The following PARP15 variants were observed in gnomAD, a reference collection of about 807,000 sequenced individuals.
PARP15 encodes the protein poly(ADP-ribose) polymerase family member 15.
Under a neutral mutation model 62.1 loss-of-function variants are expected in PARP15, and 50 were observed. That is an observed-to-expected ratio of 0.81 (90% CI 0.64 to 1.02). The LOEUF (loss-of-function observed/expected upper bound fraction) is 1.02, where lower values mean the gene tolerates loss of function less well. PARP15 is among the 50% of genes least tolerant of loss of function. PARP15 has a pLI of 0.00. For missense variants in PARP15, 820 were observed against 826.5 expected (o/e 0.99, Z 0.10); for synonymous variants, 309 against 293.1 (o/e 1.05, Z -0.55).
At chr3:122,604,700 A>G (rs372516202) in intron 1 of PARP15, among the ~76,000 whole-genome samples, 6 of 152,260 alleles carry the variant, frequency 3.9e-5, no homozygotes, top group African/African-American at 1.4e-4. Flanking sequence ...ATCTTTGTAA[A>G]GATACAAAAA....
At chr3:122,620,886 T>TA (rs569731428) in intron 7 of PARP15, among the ~76,000 whole-genome samples, 98 of 152,294 alleles carry the variant, frequency 6.4e-4, no homozygotes, top group Non-Finnish European at 1.2e-3. Context: ...AGCAGTGCCT[T>TA]AAAATGGCCC....
At chr3:122,579,999 G>GTATATATATATATATATATATA (rs59527124) in intron 1 of PARP15, among the ~76,000 whole-genome samples, 3 of 64,458 alleles carry the variant, frequency 4.7e-5, no homozygotes, top group South Asian at 6.2e-4. Context: ...GCAACTATAT[G>GTATATATATATATATATATATA]TATATATATA....
intron 1 of PARP15, chr3:122,594,633 A>G (rs1934196383): frequency 1.1e-6 from 1 of 920,900 alleles, no homozygotes. Flanking sequence ...CATAGAAATT[A>G]GCATCTAATT....
chr3:122,578,065 T>TCC (rs748799834), intron 1 of PARP15, among the ~76,000 whole-genome samples: 70 of 149,772 alleles, frequency 4.7e-4, no homozygotes, highest in Admixed American at 2.1e-3. Context: ...TTTTTTTTTT[T>TCC]CCCTTAAAAT....
chr3:122,629,697 AGT>A (rs150683419), intron 9 of PARP15, among the ~76,000 whole-genome samples: 470 of 152,250 alleles, frequency 3.1e-3, no homozygotes, highest in Non-Finnish European at 5.9e-3. Flanking sequence ...AACTTACCAC[AGT>A]GTAGAATCAG....
chr3:122,634,748 T>C (rs1206172799), intron 10 of PARP15, among the ~76,000 whole-genome samples: 1 of 152,202 alleles, frequency 6.6e-6, no homozygotes, highest in African/African-American at 2.4e-5. Context: ...CATTTAGATA[T>C]AAACCGCAAA....
chr3:122,599,508 G>A (rs1196932464), intron 1 of PARP15, among the ~76,000 whole-genome samples: 8 of 138,140 alleles, frequency 5.8e-5, no homozygotes, highest in South Asian at 2.5e-4. Flanking sequence ...TTTCTTCCTC[G>A]AATTTCTCTT....
intron 3 of PARP15, among the ~76,000 whole-genome samples, chr3:122,612,708 G>A (rs189963969): frequency 9.7e-4 from 147 of 152,134 alleles, no homozygotes; most frequent in Middle Eastern, 3.4e-3. Context: ...CCAAAGTGCT[G>A]GGAGCCACCG....
At chr3:122,599,394 A>G (rs1934611785) in intron 1 of PARP15, among the ~76,000 whole-genome samples, 1 of 151,578 alleles carries the variant, frequency 6.6e-6, no homozygotes, top group African/African-American at 2.4e-5. Flanking sequence ...AAGAATCCCA[A>G]ATGTATAGAT....
At chr3:122,614,946 G>C (rs1935840436) in intron 4 of PARP15, 1 of 459,878 alleles carries the variant, frequency 2.2e-6, no homozygotes, top group Non-Finnish European at 2.8e-6. Context: ...GGGAGGATCA[G>C]TTGAGTCCAG....
In PARP15 at chr3:122,579,999, G is replaced by GTATATATGTATATA. The variant is rs1553725410; in HGVS notation, c.186+2153_186+2154insGTATATATATATAT. On this transcript the variant is annotated intron_variant, in intron 1 of 11. Coordinates refer to ENST00000464300, the MANE Select transcript of PARP15 (RefSeq NM_001113523.3). Reference sequence around the variant, plus strand: ...GTCTGAACAACAACAGCAACTATATGTATATATATATATATATATATATAT... The same window carrying GTATATATGTATATA: ...GTCTGAACAACAACAGCAACTATATGTATATATGTATATATATATATATATATATATATATATAT... Among the ~76,000 whole-genome samples, 539 of 64,392 alleles carry GTATATATGTATATA rather than the reference G, an allele frequency of 8.4e-3. 14 individuals are homozygous for GTATATATGTATATA. The highest frequency in any genetic ancestry group is 0.024 in the Middle Eastern group (3 of 124). The allele number at this position is 64,392 out of a possible 152,430, so 42.2% of individuals were successfully genotyped here.
rs1423521538 is a variant in PARP15 at position 122,632,112 on chromosome 3, A to G, written c.1465A>G (p.Met489Val). 3 of 1,613,978 alleles carry G rather than the reference A, an allele frequency of 1.9e-6. No homozygotes were observed. The highest frequency in any genetic ancestry group is 1.3e-5 in the African/African-American group (1 of 74,928). Residue 489 changes from methionine to valine, a missense_variant, in exon 10 of 12, where the codon ATG (methionine) becomes GTG (valine). Physicochemically the swap from Met to Val is conservative, Grantham distance 21. Around this residue, in one of 3 missense-constraint regions of PARP15, gnomAD observed 731 missense variants for 727.7 expected, o/e 1.00. Coordinates refer to ENST00000464300, the MANE Select transcript of PARP15 (RefSeq NM_001113523.3). ...TAATCTTCCTGAACACTGGACTGACATGAATCATCAGCTGTTTTGCATGGT... is the reference window on the plus strand; with the variant it reads ...TAATCTTCCTGAACACTGGACTGACGTGAATCATCAGCTGTTTTGCATGGT... ...TCNLPEHWTD[M>V]NHQLFCMVQL...
intron 8 of PARP15, among the ~76,000 whole-genome samples, chr3:122,625,128 A>C (rs1339150056): frequency 6.6e-6 from 1 of 152,116 alleles, no homozygotes; most frequent in Non-Finnish European, 1.5e-5. Flanking sequence ...AGCTGAGCAA[A>C]CTGAAGTGTA....
At chr3:122,617,571 C>T (rs185883746) in intron 6 of PARP15, among the ~76,000 whole-genome samples, 3 of 152,292 alleles carry the variant, frequency 2.0e-5, no homozygotes, top group East Asian at 1.9e-4. Context: ...AACTCACCTT[C>T]GGTAGCTCTT....
chr3:122,632,359 G>T, intron 10 of PARP15, 140 bp downstream of exon 10: 1 of 806,454 alleles, frequency 1.2e-6, no homozygotes, highest in Admixed American at 2.9e-5. Flanking sequence ...AAGTTCCATA[G>T]ACTTCAAATC....
intron 2 of PARP15, among the ~76,000 whole-genome samples, chr3:122,608,279 G>C (rs541281889): frequency 7.7e-6 from 1 of 129,590 alleles, no homozygotes; most frequent in South Asian, 2.5e-4. Context: ...ACAGTGGTGT[G>C]ATCTCGGCTC....
intron 2 of PARP15, among the ~76,000 whole-genome samples, chr3:122,607,587 T>C (rs1265679849): frequency 6.6e-6 from 1 of 152,234 alleles, no homozygotes; most frequent in Admixed American, 6.5e-5. Context: ...ATATTTTACC[T>C]TACTCAATTA....
chr3:122,598,260 A>G (rs1934511030), intron 1 of PARP15, among the ~76,000 whole-genome samples: 1 of 152,256 alleles, frequency 6.6e-6, no homozygotes, highest in African/African-American at 2.4e-5. Context: ...ATAACAAATT[A>G]CCACAAAACT....
chr3:122,590,476 T>C (rs1314025551), intron 1 of PARP15, among the ~76,000 whole-genome samples: 1 of 143,934 alleles, frequency 6.9e-6, no homozygotes, highest in Non-Finnish European at 1.5e-5. Context: ...GGGTTTCGCC[T>C]TGTTAGCCAG....
Sources: gnomAD v4.1 joint callset for allele counts (sites outside exome capture counted in the v4.1 genomes callset) on GRCh38, gnomAD v4.1.1 for gene constraint, gnomAD v4.1.1 regional missense constraint, MANE v1.5 for transcripts, NCBI Gene and HGNC (gene_info 2026-07-23, HGNC 2026-07-21) for gene names.